Variants in TMEM232 observed in about 807,000 individuals in gnomAD.
The protein encoded by TMEM232 is transmembrane protein 232.
Under a neutral mutation model 78.8 loss-of-function variants are expected in TMEM232, and 80 were observed. That is an observed-to-expected ratio of 1.01 (90% CI 0.85 to 1.22). The LOEUF (loss-of-function observed/expected upper bound fraction) is 1.22. TMEM232 is among the 50% of genes most tolerant of loss of function. The probability of loss-of-function intolerance (pLI) is 0.00; values close to 1 mark genes in which losing one functional copy is unlikely to be tolerated. For synonymous variants in TMEM232, 297 were observed against 254.3 expected, an observed-to-expected ratio of 1.17 and a Z score of -1.60; for missense variants, 881 against 742.2, an observed-to-expected ratio of 1.19 and a Z score of -2.17.
intron 7 of TMEM232, among the ~76,000 whole-genome samples, chr5:110,620,301 A>G (rs185925254): frequency 6.6e-6 from 1 of 152,304 alleles, no homozygotes; most frequent in African/African-American, 2.4e-5. Context: ...CAAGATAGCA[A>G]TTTTGGACAA....
chr5:110,605,449 A>G, intron 9 of TMEM232, 91 bp from the exon 10 acceptor site: 2 of 1,369,296 alleles, frequency 1.5e-6, no homozygotes, highest in Non-Finnish European at 1.9e-6. Context: ...TTAAAAGACC[A>G]TAATAAACTA....
intron 1 of TMEM232, among the ~76,000 whole-genome samples, chr5:110,717,897 C>T (rs985667287): frequency 6.6e-5 from 10 of 152,210 alleles, no homozygotes; most frequent in Non-Finnish European, 1.2e-4. Flanking sequence ...TCAATTAAAC[C>T]TCTTTCCTTT....
intron 12 of TMEM232, among the ~76,000 whole-genome samples, chr5:110,526,004 T>G (rs1561628057): frequency 8.2e-6 from 1 of 121,298 alleles, no homozygotes; most frequent in Non-Finnish European, 1.6e-5. Context: ...GGCAGATGGA[T>G]CTACACCTCA....
chr5:110,669,249 G>A (rs2150137704), intron 1 of TMEM232, among the ~76,000 whole-genome samples: 1 of 152,108 alleles, frequency 6.6e-6, no homozygotes, highest in South Asian at 2.1e-4. Context: ...TAATAAAGAA[G>A]AAAAGAGAGA....
chr5:110,480,540 T>C (rs1245048982), intron 12 of TMEM232, among the ~76,000 whole-genome samples: 5 of 152,084 alleles, frequency 3.3e-5, no homozygotes, highest in Non-Finnish European at 7.4e-5. Flanking sequence ...GAAAGGATTC[T>C]GCTAGATTTC....
At chr5:110,645,448 C>A (rs1338577342) in intron 2 of TMEM232, among the ~76,000 whole-genome samples, 2 of 143,682 alleles carry the variant, frequency 1.4e-5, no homozygotes. Context: ...TGTAATATAC[C>A]ATATTACCAA....
chr5:110,454,006 C>T (rs1760606088), intron 12 of TMEM232, among the ~76,000 whole-genome samples: 1 of 151,964 alleles, frequency 6.6e-6, no homozygotes, highest in Non-Finnish European at 1.5e-5. Context: ...TTTGATAATA[C>T]ATAAAGCAAA....
chr5:110,637,575 G>A (rs963828847), intron 5 of TMEM232, among the ~76,000 whole-genome samples: 1 of 147,842 alleles, frequency 6.8e-6, no homozygotes, highest in East Asian at 1.9e-4. Flanking sequence ...ACATATATGT[G>A]TATATATATA....
At chr5:110,456,548 GAA>G (rs1294996600) in intron 12 of TMEM232, among the ~76,000 whole-genome samples, 5 of 151,990 alleles carry the variant, frequency 3.3e-5, no homozygotes, top group Admixed American at 2.6e-4. Flanking sequence ...ACTGATTATA[GAA>G]CTTGCTTGGA....
chr5:110,623,618 G>A (rs1784057714), intron 7 of TMEM232, among the ~76,000 whole-genome samples: 1 of 152,100 alleles, frequency 6.6e-6, no homozygotes, highest in South Asian at 2.1e-4. Context: ...AGCTGTACTG[G>A]AGAAACTGGG....
intron 10 of TMEM232, among the ~76,000 whole-genome samples, chr5:110,573,972 T>C (rs987947705): frequency 7.9e-5 from 12 of 152,058 alleles, no homozygotes; most frequent in African/African-American, 2.9e-4. Context: ...TCACAGCCAA[T>C]TTGTGGGCCA....
At chr5:110,682,581 C>G (rs1792887802) in intron 1 of TMEM232, among the ~76,000 whole-genome samples, 1 of 152,064 alleles carries the variant, frequency 6.6e-6, no homozygotes, top group Non-Finnish European at 1.5e-5. Context: ...GCATATTTAT[C>G]TGAAATGGCC....
intron 13 of TMEM232, among the ~76,000 whole-genome samples, chr5:110,423,136 T>C (rs191912635): frequency 2.6e-5 from 4 of 152,312 alleles, no homozygotes; most frequent in Non-Finnish European, 5.9e-5. Context: ...GTTTTTGTTA[T>C]TTGTCGATAT....
At chr5:110,682,280 A>G (rs1181527017) in intron 1 of TMEM232, among the ~76,000 whole-genome samples, 1 of 152,150 alleles carries the variant, frequency 6.6e-6, no homozygotes, top group Non-Finnish European at 1.5e-5. Context: ...AAATTTGTGG[A>G]TAGAAATGGA....
chr5:110,698,444 TA>T (rs544637177), intron 1 of TMEM232, among the ~76,000 whole-genome samples: 3,924 of 151,150 alleles, frequency 0.026, 169 homozygotes, highest in African/African-American at 0.088. Flanking sequence ...ATAATAAAAT[TA>T]AAAAAAAATG....
chr5:110,551,328 A>C (rs1208215849), intron 11 of TMEM232, among the ~76,000 whole-genome samples: 1 of 152,112 alleles, frequency 6.6e-6, no homozygotes, highest in East Asian at 1.9e-4. Flanking sequence ...AGTTCAAGCA[A>C]TTCTCTTGCC....
intron 13 of TMEM232, among the ~76,000 whole-genome samples, chr5:110,421,810 T>C (rs756710501): frequency 1.3e-5 from 2 of 152,206 alleles, no homozygotes; most frequent in African/African-American, 4.8e-5. Context: ...AATATACTCA[T>C]GTTAAACATT....
chr5:110,535,919 G>T (rs937089679), intron 11 of TMEM232, among the ~76,000 whole-genome samples: 4 of 152,086 alleles, frequency 2.6e-5, no homozygotes, highest in African/African-American at 7.2e-5. Context: ...ATTATAAAAG[G>T]ACCAGAAGCT....
At chr5:110,415,328 C>T (rs1756158120), downstream of TMEM232, among the ~76,000 whole-genome samples, 3 of 151,998 alleles carry the variant, frequency 2.0e-5, no homozygotes, top group South Asian at 6.2e-4. Context: ...GCTGGGACTA[C>T]AGGCGCCTGC....
Sources: allele counts gnomAD v4.1 joint callset (sites outside exome capture counted in the v4.1 genomes callset), GRCh38; gene constraint gnomAD v4.1.1; transcripts MANE v1.5; gene names NCBI Gene and HGNC (gene_info 2026-07-23, HGNC 2026-07-21).